MACF1: variants seen among roughly 807,000 people sequenced by gnomAD.
MACF1 encodes the protein microtubule-actin cross-linking factor 1.
A neutral mutation model predicts 854.8 loss-of-function variants in MACF1; 193 were observed. That is an observed-to-expected ratio of 0.23 (90% CI 0.20 to 0.25). MACF1 has a LOEUF of 0.25. Ranked by LOEUF, MACF1 falls within the 10% of genes least tolerant of loss-of-function variation. The pLI, the probability that MACF1 is intolerant of heterozygous loss-of-function variation, is 1.00. For synonymous variants in MACF1, 3,185 were observed against 3,226.7 expected, an observed-to-expected ratio of 0.99 and a Z score of 0.44; for missense variants, 7,722 against 8,929.1, an observed-to-expected ratio of 0.86 and a Z score of 5.45.
chr1:39,448,039 G>A lies in MACF1; in HGVS notation c.19975G>A (p.Glu6659Lys). ...ATTTCTTATGTAATTTTAGTTCCAT[G>A]AAGCTTGGAAAAAACTGATTGACTG... is the stretch of plus-strand genomic sequence containing the variant. ...DARKRAKQFH[E>K]AWKKLIDWLE... Residue 6659 changes from glutamate (E) to lysine (K), a missense_variant, in exon 83 of 101, where the codon GAA becomes AAA. By Grantham distance (56) the Glu-to-Lys change is moderately conservative (BLOSUM62 1). Transcript: ENST00000564288. 6.2e-7 allele frequency: 1 copy of A among 1,613,990 alleles called. No homozygotes were observed. The highest frequency in any genetic ancestry group is 8.5e-7 in the Non-Finnish European group (1 of 1,179,972).
chr1:39,232,746 G>GTTTTTTTTTTTTTTTTTT (rs10712180), intron 2 of MACF1, among the ~76,000 whole-genome samples: 7 of 128,476 alleles, frequency 5.4e-5, no homozygotes, highest in African/African-American at 1.5e-4. Flanking sequence ...TACTCTCTTT[G>GTTTTTTTTTTTTTTTTTT]TTTTTTTTTT....
Position 39,444,785 on chromosome 1 carries a change from C to T in MACF1, c.19555C>T (p.Leu6519Phe). Residue 6519 changes from leucine to phenylalanine, a missense_variant, in exon 80 of 101, where the codon CTT becomes TTT. Leu to Phe is a conservative substitution (Grantham distance 22, BLOSUM62 0). Transcript: ENST00000564288. The part of the protein sequence containing the change: ...SGSKTEQSVA[L>F]LEQKWHVVSS... Reference sequence around the variant, plus strand: ...CTCCAAGACAGAACAGAGTGTAGCACTTTTGGAGCAGAAGTGGCATGTGGT... The same window carrying T: ...CTCCAAGACAGAACAGAGTGTAGCATTTTTGGAGCAGAAGTGGCATGTGGT... The T allele has an allele frequency of 1.2e-6, 2 of 1,613,596 alleles. No individual in the cohort carries two copies. The highest frequency in any genetic ancestry group is 1.7e-6 in the Non-Finnish European group (2 of 1,179,594).
intron 58 of MACF1, among the ~76,000 whole-genome samples, chr1:39,419,538 A>G (rs1643452207): frequency 6.6e-6 from 1 of 152,232 alleles, no homozygotes; most frequent in South Asian, 2.1e-4. Flanking sequence ...TAAATCTGAA[A>G]TCAGAAACAC....
At chr1:39,309,033 C>G (rs1052919166) in intron 23 of MACF1, among the ~76,000 whole-genome samples, 1 of 152,156 alleles carries the variant, frequency 6.6e-6, no homozygotes, top group Non-Finnish European at 1.5e-5. Flanking sequence ...TGGAACACAG[C>G]AAATCAGTTT....
chr1:39,461,791 CAAAAAAAAAAAAA>C (rs59393084), intron 92 of MACF1, 79 bp from the exon 93 acceptor site: 37 of 350,912 alleles, frequency 1.1e-4, no homozygotes, highest in Middle Eastern at 1.8e-3. Context: ...GACCTTGTCT[CAAAAAAAAAAAAA>C]AAAAAAAAAA....
chr1:39,320,190 G>A (rs959204634), intron 31 of MACF1, among the ~76,000 whole-genome samples: 2 of 152,034 alleles, frequency 1.3e-5, no homozygotes, highest in African/African-American at 4.8e-5. Context: ...ACATCTGACT[G>A]CCTGCCGTTA....
At position 39,105,297 on chromosome 1, in the gene MACF1, G is replaced by A. The variant is rs920929448; in HGVS notation, c.220+20859G>A. The A allele has an allele frequency of 8.5e-5, 52 of 610,078 alleles. No individual in the cohort carries two copies. The African/African-American group carries it at 1.0e-3, about 12-fold the overall frequency. 37.8% of individuals were successfully genotyped at this position (610,078 alleles called of 1,614,324 possible). ...GGGGAGAGGGGGCGGGGAACGGGCC[G>A]GGCCTGGCGCTCCTGACAGGAGGAG... On this transcript the variant is annotated intron_variant, in intron 2 of 93. Coordinates refer to the MACF1 transcript ENST00000361689. The surrounding 1 kb of genome is among the most constrained non-coding windows in gnomAD (Gnocchi z 5.9).
intron 58 of MACF1, among the ~76,000 whole-genome samples, chr1:39,418,726 G>A (rs993287577): frequency 6.6e-6 from 1 of 152,202 alleles, no homozygotes; most frequent in African/African-American, 2.4e-5. Context: ...AGCTGGGTGT[G>A]GTGGCGCATG....
intron 2 of MACF1, among the ~76,000 whole-genome samples, chr1:39,190,399 T>G (rs937408988): frequency 2.4e-5 from 3 of 123,752 alleles, no homozygotes; most frequent in African/African-American, 9.4e-5. Context: ...GTGTTTGTTT[T>G]TGTTTTTTTT....
chr1:39,186,942 A>C (rs1431711100), intron 2 of MACF1, among the ~76,000 whole-genome samples: 1 of 150,550 alleles, frequency 6.6e-6, no homozygotes, highest in Non-Finnish European at 1.5e-5. Flanking sequence ...CTGCACACAC[A>C]AACAGCCAGA....
chr1:39,450,713 G>A (rs963565796), intron 84 of MACF1, among the ~76,000 whole-genome samples: 5 of 149,274 alleles, frequency 3.3e-5, no homozygotes, highest in Admixed American at 1.4e-4. Context: ...CCGGGTTCGC[G>A]CCATTCTCCT....
intron 23 of MACF1, among the ~76,000 whole-genome samples, chr1:39,306,385 C>G (rs926763719): frequency 6.6e-6 from 1 of 152,054 alleles, no homozygotes; most frequent in Non-Finnish European, 1.5e-5. Context: ...ACCTCGGCCT[C>G]TCAAAGTGTT....
chr1:39,369,170 A>G (rs912901510), intron 50 of MACF1, among the ~76,000 whole-genome samples: 9 of 151,986 alleles, frequency 5.9e-5, no homozygotes, highest in Admixed American at 5.9e-4. Flanking sequence ...TTAAGTTGCT[A>G]TTTTAGAAGA....
At chr1:39,479,777 G>A (rs1644981277) in intron 97 of MACF1, 21 bp from the exon 98 acceptor site, 4 of 1,599,494 alleles carry the variant, frequency 2.5e-6, no homozygotes, top group Middle Eastern at 1.7e-4. Flanking sequence ...GACATTGTGT[G>A]TGTGTTTATT....
chr1:39,132,914 T>C (rs925853290), intron 2 of MACF1, among the ~76,000 whole-genome samples: 3 of 152,226 alleles, frequency 2.0e-5, no homozygotes. Flanking sequence ...CTGTGTCTAC[T>C]TGACCTGCAC....
intron 2 of MACF1, among the ~76,000 whole-genome samples, chr1:39,085,895 C>G (rs975663406): frequency 1.3e-5 from 2 of 152,188 alleles, no homozygotes; most frequent in East Asian, 1.9e-4. Context: ...AACCACCACA[C>G]TTTAATTTTC....
chr1:39,301,486 C>T (rs566366247), intron 22 of MACF1, among the ~76,000 whole-genome samples: 8 of 151,880 alleles, frequency 5.3e-5, no homozygotes, highest in South Asian at 2.1e-4. Flanking sequence ...AATGCAGTGG[C>T]GCCATCTCAG....
chr1:39,129,010 A>G lies in MACF1; in HGVS notation c.220+44572A>G, dbSNP rs751425452. On this transcript the variant is annotated intron_variant, in intron 2 of 93. Transcript: ENST00000361689. The stretch of plus-strand genomic sequence containing the variant: ...TGGTGATTTATTCTTTCTAGTCCCA[A>G]TTTTGCCTAACACAATGTCCTACAT... Among the ~76,000 whole-genome samples, 2 of 152,098 alleles carry G rather than the reference A, an allele frequency of 1.3e-5. 1 individual carries two copies. The highest frequency in any genetic ancestry group is 4.8e-5 in the African/African-American group (2 of 41,414).
At chr1:39,468,065 G>A (rs1236110069) in intron 95 of MACF1, 2 of 152,272 alleles carry the variant, frequency 1.3e-5, no homozygotes, top group East Asian at 3.8e-4. Flanking sequence ...AGAGGCAGTG[G>A]TGTGACCATT....
Sources: gnomAD v4.1 joint callset for allele counts (sites outside exome capture counted in the v4.1 genomes callset) on GRCh38, gnomAD v4.1.1 for gene constraint, Gnocchi (gnomAD v3.1) non-coding constraint, MANE v1.5 for transcripts, NCBI Gene and HGNC (gene_info 2026-07-23, HGNC 2026-07-21) for gene names.